EBF1: variants seen among roughly 807,000 people sequenced by gnomAD.
EBF1 encodes the protein transcription factor COE1.
EBF1 carries 10 observed loss-of-function variants against 68.4 expected under a neutral mutation model. The ratio of observed to expected loss-of-function variants is 0.15; its 90% CI spans 0.09 to 0.25. EBF1 has a LOEUF of 0.25. Among genes scored for constraint, EBF1 ranks in the 10% least tolerant of loss-of-function variants. EBF1 has a pLI of 1.00. For synonymous variants in EBF1, 298 were observed against 299.8 expected (o/e 0.99, Z 0.06); for missense variants, 509 against 794.4 (o/e 0.64, Z 4.32).
At chr5:158,932,892 G>A (rs1435259930) in intron 6 of EBF1, among the ~76,000 whole-genome samples, 1 of 152,092 alleles carries the variant, frequency 6.6e-6, no homozygotes, top group Non-Finnish European at 1.5e-5. Context: ...GTAACATTTG[G>A]AGCCCAGATC....
At chr5:158,797,814 C>A (rs1283072296) in intron 8 of EBF1, among the ~76,000 whole-genome samples, 1 of 152,138 alleles carries the variant, frequency 6.6e-6, no homozygotes, top group Non-Finnish European at 1.5e-5. Context: ...GCATTTACAA[C>A]TAAAACTGGG....
intron 4 of EBF1, among the ~76,000 whole-genome samples, chr5:159,094,271 T>G (rs1227710101): frequency 7.0e-6 from 1 of 143,720 alleles, no homozygotes; most frequent in African/African-American, 2.6e-5. Flanking sequence ...AGACCAAAAA[T>G]TATAAATGGT....
chr5:158,911,874 T>C (rs962898903), intron 6 of EBF1, among the ~76,000 whole-genome samples: 7 of 152,222 alleles, frequency 4.6e-5, no homozygotes, highest in Admixed American at 1.3e-4. Flanking sequence ...GTTATCCAAT[T>C]TATTCTTCTC....
chr5:158,973,976 G>A (rs1756198103), intron 6 of EBF1, among the ~76,000 whole-genome samples: 1 of 152,164 alleles, frequency 6.6e-6, no homozygotes, highest in African/African-American at 2.4e-5. Context: ...ATGAACAGCA[G>A]TTCCGTTCTT....
Position 158,925,620 on chromosome 5 carries a change from C to T in EBF1, c.555-85510G>A, listed in dbSNP as rs145512952. 3.1e-3 allele frequency among the ~76,000 whole-genome samples: 467 copies of T among 152,290 alleles called. 3 individuals are homozygous for T. Among genetic ancestry groups the T allele is most frequent in the Middle Eastern group, 6.8e-3 (2 of 294 alleles). ...CAACTCTCTCTGATGGTTAGGTGAC[C>T]TTGGGAATTGTAGCCATGCACAACA... is the stretch of plus-strand genomic sequence containing the variant. On this transcript the variant is annotated intron_variant, in intron 6 of 15. Transcript: ENST00000313708.
chr5:158,728,232 G>T (rs1000878182), intron 11 of EBF1, among the ~76,000 whole-genome samples: 19 of 152,176 alleles, frequency 1.2e-4, no homozygotes, highest in African/African-American at 4.3e-4. Flanking sequence ...GAGTCACACT[G>T]AGAGCTTCCT....
At chr5:158,964,555 G>T (rs920645245) in intron 6 of EBF1, among the ~76,000 whole-genome samples, 10 of 152,244 alleles carry the variant, frequency 6.6e-5, no homozygotes, top group Admixed American at 5.9e-4. Context: ...AGGACCCACA[G>T]GTATGGAGAA....
chr5:159,096,265 G>T, intron 3 of EBF1, 78 bp downstream of exon 3: 1 of 1,434,618 alleles, frequency 7.0e-7, no homozygotes, highest in Non-Finnish European at 9.6e-7. Context: ...GGAGGATTTC[G>T]TCCACCTGGA....
At chr5:159,035,184 A>C (rs1394344250) in intron 6 of EBF1, among the ~76,000 whole-genome samples, 1 of 152,154 alleles carries the variant, frequency 6.6e-6, no homozygotes, top group African/African-American at 2.4e-5. Context: ...CCACCATTTC[A>C]TCAGGGGAGC....
intron 6 of EBF1, among the ~76,000 whole-genome samples, chr5:158,977,448 A>G (rs996106696): frequency 3.3e-5 from 5 of 152,212 alleles, no homozygotes; most frequent in Non-Finnish European, 7.4e-5. Context: ...CAATCTCATG[A>G]CATGGATTTG....
intron 6 of EBF1, among the ~76,000 whole-genome samples, chr5:158,866,859 A>ATATATATATATATATGTATATG (rs1795997375): frequency 8.0e-5 from 2 of 24,948 alleles, no homozygotes; most frequent in African/African-American, 2.2e-4. Context: ...ATATATATAT[A>ATATATATATATATATGTATATG]TATATATATA....
chr5:158,831,352 A>AGAT (rs1005828496), intron 7 of EBF1, among the ~76,000 whole-genome samples: 1 of 152,178 alleles, frequency 6.6e-6, no homozygotes, highest in Non-Finnish European at 1.5e-5. Context: ...TTGTAATCTT[A>AGAT]GATGAGTCAC....
At position 158,846,076 on chromosome 5, in the gene EBF1, G is replaced by A. The variant is rs55956148; in HGVS notation, c.555-5966C>T. On this transcript the variant is annotated intron_variant, in intron 6 of 15. Coordinates refer to ENST00000313708, the MANE Select transcript of EBF1 (RefSeq NM_024007.5). ...CAAAACCTACATTTGCAATCTTAAG[G>A]CTCCTCGAAAGTTCCTCTTGACTTA... Among the ~76,000 whole-genome samples, 717 of 152,224 alleles carry A rather than the reference G, an allele frequency of 4.7e-3. 9 individuals are homozygous for A. Among genetic ancestry groups the A allele is most frequent in the African/African-American group, 0.017 (688 of 41,520 alleles).
chr5:158,828,903 T>C (rs1786830453), intron 7 of EBF1, among the ~76,000 whole-genome samples: 1 of 152,162 alleles, frequency 6.6e-6, no homozygotes, highest in Non-Finnish European at 1.5e-5. Context: ...GGGTCTTAAA[T>C]GCATATTACT....
chr5:159,000,023 AT>A (rs1407353376), intron 6 of EBF1, among the ~76,000 whole-genome samples: 1 of 152,098 alleles, frequency 6.6e-6, no homozygotes, highest in African/African-American at 2.4e-5. Flanking sequence ...GGTGAAAACT[AT>A]TTTCCTTATA....
chr5:158,953,314 T>A (rs551420114), intron 6 of EBF1, among the ~76,000 whole-genome samples: 6 of 152,328 alleles, frequency 3.9e-5, no homozygotes, highest in African/African-American at 1.4e-4. Context: ...CATATTAACT[T>A]TAACACATTT....
At chr5:158,906,304 G>GAAAAA (rs1238469759) in intron 6 of EBF1, among the ~76,000 whole-genome samples, 2 of 90,476 alleles carry the variant, frequency 2.2e-5, no homozygotes, top group Admixed American at 1.3e-4. Flanking sequence ...TGGCAATGCA[G>GAAAAA]AAAAAAAAAA....
intron 9 of EBF1, among the ~76,000 whole-genome samples, chr5:158,794,142 A>C (rs573184084): frequency 1.1e-4 from 17 of 152,318 alleles, no homozygotes; most frequent in Non-Finnish European, 2.4e-4. Context: ...GCAGCACGAA[A>C]GCAGGGGCTG....
At chr5:158,756,253 C>G (rs1770065410) in intron 10 of EBF1, among the ~76,000 whole-genome samples, 1 of 151,900 alleles carries the variant, frequency 6.6e-6, no homozygotes, top group Non-Finnish European at 1.5e-5. Context: ...GCCTTCTGAC[C>G]AAGTGTGAGA....
Sources: allele counts gnomAD v4.1 joint callset (sites outside exome capture counted in the v4.1 genomes callset), GRCh38; gene constraint gnomAD v4.1.1; transcripts MANE v1.5; gene names NCBI Gene and HGNC (gene_info 2026-07-23, HGNC 2026-07-21).